SH2D4A: variants seen among roughly 807,000 people sequenced by gnomAD.
SH2D4A encodes SH2 domain containing 4A.
Under a neutral mutation model 64.7 loss-of-function variants are expected in SH2D4A, and 70 were observed. That is an observed-to-expected ratio of 1.08 (90% CI 0.89 to 1.32). SH2D4A has a LOEUF of 1.32. SH2D4A is among the 40% of genes most tolerant of loss of function. The probability of loss-of-function intolerance (pLI) is 0.00; values close to 1 mark genes in which losing one functional copy is unlikely to be tolerated. For missense variants in SH2D4A, 706 were observed against 540.1 expected (o/e 1.31, Z -3.04); for synonymous variants, 268 against 200.7 (o/e 1.34, Z -2.83).
intron 4 of SH2D4A, among the ~76,000 whole-genome samples, chr8:19,354,775 T>C (rs996159429): frequency 6.6e-6 from 1 of 152,190 alleles, no homozygotes; most frequent in East Asian, 1.9e-4. Context: ...GGCGGGATAT[T>C]GAGGGGAAAC....
intron 3 of SH2D4A, 119 bp from the exon 4 acceptor site, chr8:19,334,567 C>A: frequency 9.4e-7 from 1 of 1,061,918 alleles, no homozygotes; most frequent in Non-Finnish European, 1.3e-6. Flanking sequence ...ATGTTAGAAG[C>A]ACTCAGTAAG....
In SH2D4A at chr8:19,373,573, G is replaced by T. The variant is rs767679538; in HGVS notation, c.961G>T (p.Asp321Tyr). 2 of 1,613,164 alleles carry T rather than the reference G, an allele frequency of 1.2e-6. No individual in the cohort carries two copies. The highest frequency in any genetic ancestry group is 1.1e-5 in the South Asian group (1 of 91,032). ...VRTLSSSAQE[D>Y]IIRWFKEEQL... Reference sequence around the variant, plus strand: ...GACACTGTCCAGCTCTGCCCAAGAGGACATCATCCGGTGGTTTAAAGAGGA... The same window carrying T: ...GACACTGTCCAGCTCTGCCCAAGAGTACATCATCCGGTGGTTTAAAGAGGA... The change falls in exon 8 of 10, where the codon GAC (aspartate) becomes TAC (tyrosine). Residue 321 changes from aspartate to tyrosine, a missense_variant. Coordinates refer to ENST00000265807, the MANE Select transcript of SH2D4A (RefSeq NM_022071.4).
At chr8:19,378,392 A>T (rs1225375853) in intron 8 of SH2D4A, among the ~76,000 whole-genome samples, 1 of 152,126 alleles carries the variant, frequency 6.6e-6, no homozygotes, top group Admixed American at 6.6e-5. Context: ...TATTATGTAA[A>T]AGTATGCACT....
intron 8 of SH2D4A, among the ~76,000 whole-genome samples, chr8:19,376,284 A>G (rs796216300): frequency 2.6e-5 from 4 of 152,226 alleles, no homozygotes; most frequent in African/African-American, 9.6e-5. Flanking sequence ...AAGCCCACAC[A>G]CATTATGGAG....
intron 8 of SH2D4A, among the ~76,000 whole-genome samples, chr8:19,380,164 A>G (rs1189861821): frequency 6.6e-6 from 1 of 152,140 alleles, no homozygotes; most frequent in East Asian, 1.9e-4. Flanking sequence ...CTTATTGGCC[A>G]TTTGTATATC....
At chr8:19,367,958 A>G (rs191927940) in intron 7 of SH2D4A, among the ~76,000 whole-genome samples, 1 of 152,274 alleles carries the variant, frequency 6.6e-6, no homozygotes, top group East Asian at 1.9e-4. Flanking sequence ...GATGTCCTCA[A>G]GTGTTTCCCC....
rs12544777 is a variant in SH2D4A, at chr8:19,344,050, G to T, written c.513+9193G>T. Reference sequence around the variant, plus strand: ...CTGATGGGGTAAAGTGCTTTGTCTGGGACGAAGAAAGGTAAGTTTGAGTAG... The same window carrying T: ...CTGATGGGGTAAAGTGCTTTGTCTGTGACGAAGAAAGGTAAGTTTGAGTAG... On this transcript the variant is annotated intron_variant, in intron 4 of 9. Transcript: ENST00000265807. 3.6e-4 allele frequency among the ~76,000 whole-genome samples: 55 copies of T among 152,260 alleles called. 1 individual carries two copies. The highest frequency in any genetic ancestry group is 3.5e-3 in the Admixed American group (54 of 15,290).
intron 4 of SH2D4A, among the ~76,000 whole-genome samples, chr8:19,341,301 T>G (rs79837323): frequency 0.094 from 14,338 of 152,256 alleles, 808 homozygotes; most frequent in African/African-American, 0.15. Flanking sequence ...ATTTTAACTC[T>G]AATATCTAAA....
intron 8 of SH2D4A, among the ~76,000 whole-genome samples, chr8:19,391,046 T>C (rs938775646): frequency 6.6e-6 from 1 of 152,158 alleles, no homozygotes; most frequent in African/African-American, 2.4e-5. Context: ...GAGATCTTTT[T>C]CCAAGATGCT....
At position 19,361,288 on chromosome 8, in the gene SH2D4A, A is replaced by T. The variant is rs745556868; in HGVS notation, c.680A>T (p.Lys227Ile). Reference protein sequence around the residue: ...ERTKQICKSWKEDSEWQASLR... With the variant: ...ERTKQICKSWIEDSEWQASLR... ...ACGAAGCAGATTTGTAAGAGCTGGA[A>T]AGAAGACTCGGAATGGCAGGCATCT... Residue 227 changes from lysine to isoleucine, a missense_variant, in exon 6 of 10, where the codon AAA becomes ATA. Coordinates refer to ENST00000265807, the MANE Select transcript of SH2D4A (RefSeq NM_022071.4). The T allele has an allele frequency of 6.2e-7, 1 of 1,612,208 alleles. No individual in the cohort carries two copies. Among genetic ancestry groups the T allele is most frequent in the Non-Finnish European group, 8.5e-7 (1 of 1,179,460 alleles).
At position 19,338,554 on chromosome 8, in the gene SH2D4A, A is replaced by C. The variant is rs540640184; in HGVS notation, c.513+3697A>C. 3.3e-5 allele frequency among the ~76,000 whole-genome samples: 5 copies of C among 152,338 alleles called. No individual in the cohort carries two copies. The South Asian group carries it at 1.0e-3, about 32-fold the overall frequency. On this transcript the variant is annotated intron_variant, in intron 4 of 9. Transcript: ENST00000265807. Reference sequence around the variant, plus strand: ...TGAGGTCAGAGGGAGATGTGGCTATAGGATAATGATCAGAGACATGTGATG... The same window carrying C: ...TGAGGTCAGAGGGAGATGTGGCTATCGGATAATGATCAGAGACATGTGATG...
At chr8:19,364,336 A>G in intron 7 of SH2D4A, 54 bp downstream of exon 7, 1 of 1,588,490 alleles carries the variant, frequency 6.3e-7, no homozygotes, top group African/African-American at 1.3e-5. Context: ...GGCTTTGAAT[A>G]AGCGTTGAAA....
rs141375453 is a variant in SH2D4A at position 19,339,003 on chromosome 8, G to A, written c.513+4146G>A. ...CTGCAAGCTGAGGAGCCAGCAAGCCGGTACAAGTCCCCAAACCTCAAAAGC... is the reference window on the plus strand; with the variant it reads ...CTGCAAGCTGAGGAGCCAGCAAGCCAGTACAAGTCCCCAAACCTCAAAAGC... On this transcript the variant is annotated intron_variant, in intron 4 of 9. Transcript: ENST00000265807. Among the ~76,000 whole-genome samples, 307 of 152,334 alleles carry A rather than the reference G, an allele frequency of 2.0e-3. 1 individual carries two copies. The highest frequency in any genetic ancestry group is 6.4e-3 in the African/African-American group (268 of 41,572).
At chr8:19,351,378 T>G (rs374645163) in intron 4 of SH2D4A, among the ~76,000 whole-genome samples, 40 of 151,862 alleles carry the variant, frequency 2.6e-4, no homozygotes, top group African/African-American at 9.7e-4. Context: ...CCGAGGCGGG[T>G]GGATCACAAG....
intron 2 of SH2D4A, among the ~76,000 whole-genome samples, chr8:19,324,272 T>C (rs2052238591): frequency 6.6e-6 from 1 of 152,324 alleles, no homozygotes; most frequent in Non-Finnish European, 1.5e-5. Flanking sequence ...TGGGCTGAGA[T>C]CTGGTTGCTG....
rs999457416 is a variant in SH2D4A at position 19,395,315 on chromosome 8, A to G, written c.*673A>G. ...GCCTGGCCTCCCCTGGATATACTCT[A>G]TAGTGCACCAAAAGGATAAAGCATC... On this transcript the variant is annotated 3_prime_UTR_variant, in exon 10 of 10. Transcript: ENST00000265807. 2 of 152,244 alleles carry G rather than the reference A, an allele frequency of 1.3e-5. No individual in the cohort carries two copies. Among genetic ancestry groups the G allele is most frequent in the African/African-American group, 2.4e-5 (1 of 41,460 alleles). The allele number at this position is 152,244 out of a possible 1,614,324, so 9.4% of individuals were successfully genotyped here.
At chr8:19,328,404 A>G (rs922748060) in intron 2 of SH2D4A, among the ~76,000 whole-genome samples, 51 of 151,902 alleles carry the variant, frequency 3.4e-4, no homozygotes, top group African/African-American at 1.1e-3. Context: ...TCTTGTCACT[A>G]CTTCTGCCTG....
Position 19,361,196 on chromosome 8 carries a change from T to A in SH2D4A, c.595-7T>A. 1 of 1,474,168 alleles carries A rather than the reference T, an allele frequency of 6.8e-7. No homozygotes were observed. Among genetic ancestry groups the A allele is most frequent in the Admixed American group, 2.0e-5 (1 of 49,022 alleles). The allele number at this position is 1,474,168 out of a possible 1,614,324, so 91.3% of individuals were successfully genotyped here. A position where few individuals can be genotyped will look rare whatever the true frequency, so the allele number is the denominator to read the frequency against. The stretch of plus-strand genomic sequence containing the variant: ...TTTTTGTTTTTTTTTGTTTTGTTTT[T>A]AAACAGAAGAAAGAATCTATGAAGA... On this transcript the variant is annotated splice_polypyrimidine_tract_variant and splice_region_variant and intron_variant, in intron 5 of 9. Transcript: ENST00000265807.
At position 19,313,733 on chromosome 8, in the gene SH2D4A, C is replaced by A; in HGVS notation, c.-295C>A. ...GCCTGCGCCGCTTGGGACGCCTCTG[C>A]CTTTCCCTCCCTCCCTTCCCCGACG... On this transcript the variant is annotated 5_prime_UTR_variant, in exon 1 of 10. Transcript: ENST00000265807. 6.6e-7 allele frequency: 1 copy of A among 1,508,266 alleles called. No individual in the cohort carries two copies. The highest frequency in any genetic ancestry group is 1.2e-5 in the South Asian group (1 of 82,384). The allele number at this position is 1,508,266 out of a possible 1,614,324, so 93.4% of individuals were successfully genotyped here.
Sources: allele counts gnomAD v4.1 joint callset (sites outside exome capture counted in the v4.1 genomes callset), GRCh38; gene constraint gnomAD v4.1.1; transcripts MANE v1.5; gene names NCBI Gene and HGNC (gene_info 2026-07-23, HGNC 2026-07-21).